AGMO: variants seen among roughly 807,000 people sequenced by gnomAD.
AGMO encodes the protein alkylglycerol monooxygenase, also known as glyceryl-ether monooxygenase.
In AGMO, 75 loss-of-function variants were observed where a neutral mutation model predicts 60.2. That is an observed-to-expected ratio of 1.25 (90% CI 1.03 to 1.51). AGMO has a LOEUF of 1.51. AGMO is among the 40% of genes most tolerant of loss of function. AGMO has a pLI of 0.00. For synonymous variants in AGMO, 261 were observed against 177.1 expected (o/e 1.47, Z -3.76); for missense variants, 763 against 525.5 (o/e 1.45, Z -4.42).
At chr7:15,500,379 C>G (rs1042923932) in intron 3 of AGMO, among the ~76,000 whole-genome samples, 1 of 151,698 alleles carries the variant, frequency 6.6e-6, no homozygotes, top group African/African-American at 2.4e-5. Context: ...GTATTAATGT[C>G]ATTAGGAACC....
chr7:15,223,631 A>G (rs995514253), intron 12 of AGMO, among the ~76,000 whole-genome samples: 4 of 151,980 alleles, frequency 2.6e-5, no homozygotes, highest in African/African-American at 9.7e-5. Context: ...TATAAGAATT[A>G]TTGGAGTTAT....
At chr7:15,247,459 C>CACACACACAGAGAG (rs139642069) in intron 12 of AGMO, among the ~76,000 whole-genome samples, 14 of 115,284 alleles carry the variant, frequency 1.2e-4, no homozygotes, top group African/African-American at 4.6e-4. Context: ...CACACACACA[C>CACACACACAGAGAG]AGAGAGAGAG....
intron 12 of AGMO, among the ~76,000 whole-genome samples, chr7:15,364,676 A>G (rs1251470446): frequency 6.6e-6 from 1 of 152,078 alleles, no homozygotes; most frequent in Non-Finnish European, 1.5e-5. Flanking sequence ...GTGTATTTGC[A>G]ATTTTGATAG....
At chr7:15,276,200 T>C (rs1394325259) in intron 12 of AGMO, among the ~76,000 whole-genome samples, 2 of 152,214 alleles carry the variant, frequency 1.3e-5, no homozygotes, top group East Asian at 1.9e-4. Context: ...AGAACTCCTT[T>C]GAGCATTTCT....
At chr7:15,192,534 G>C in the AGMO span, among the ~76,000 whole-genome samples, 5 of 151,956 alleles carry the variant, frequency 3.3e-5, no homozygotes, top group African/African-American at 1.2e-4. Flanking sequence ...TAAAATCCTT[G>C]CATTCACCAT....
intron 12 of AGMO, among the ~76,000 whole-genome samples, chr7:15,237,227 G>A (rs1008318888): frequency 2.0e-4 from 31 of 152,112 alleles, no homozygotes; most frequent in Admixed American, 3.3e-4. Flanking sequence ...GTAAGTGTGC[G>A]TGGAGAAATT....
intron 4 of AGMO, among the ~76,000 whole-genome samples, chr7:15,420,505 CAT>C (rs1029926793): frequency 2.0e-5 from 3 of 152,082 alleles, no homozygotes; most frequent in Admixed American, 6.6e-5. Flanking sequence ...ACATGAATCA[CAT>C]GAGTGATAAT....
chr7:15,376,147 C>T (rs1445109961), intron 10 of AGMO, among the ~76,000 whole-genome samples: 1 of 151,924 alleles, frequency 6.6e-6, no homozygotes, highest in African/African-American at 2.4e-5. Flanking sequence ...TCATTTCATG[C>T]CTTTGTATTA....
At chr7:15,356,544 A>G (rs933209888) in intron 12 of AGMO, among the ~76,000 whole-genome samples, 5 of 152,102 alleles carry the variant, frequency 3.3e-5, no homozygotes, top group Admixed American at 6.6e-5. Context: ...AATCTGAAAA[A>G]TTAAAATCAT....
In AGMO at chr7:15,505,114, CCA is replaced by C. The variant is rs200069610; in HGVS notation, c.409+39656_409+39657del. Among the ~76,000 whole-genome samples, 1,186 of 151,890 alleles carry C rather than the reference CCA, an allele frequency of 7.8e-3. 14 individuals are homozygous for C. Among genetic ancestry groups the C allele is most frequent in the African/African-American group, 0.027 (1,116 of 41,402 alleles). ...AAATAATCTGTACCTCTGATTTTAT[CCA>C]CGTTTCAAGTCAAATCATCTATTGC... is the stretch of plus-strand genomic sequence containing the variant. On this transcript the variant is annotated intron_variant, in intron 3 of 12. Transcript: ENST00000342526.
chr7:15,406,929 G>A (rs551159382), intron 5 of AGMO, among the ~76,000 whole-genome samples: 9,571 of 89,314 alleles, frequency 0.11, 703 homozygotes, highest in African/African-American at 0.19. Context: ...GAATACACAC[G>A]CGCACACACA....
At position 15,314,048 on chromosome 7, in the gene AGMO, G is replaced by A. The variant is rs576551257; in HGVS notation, c.1263+51466C>T. Among the ~76,000 whole-genome samples the A allele has an allele frequency of 2.0e-5, 3 of 152,124 alleles. No homozygotes were observed. In the South Asian group the frequency reaches 6.2e-4, roughly 32 times the overall value. On this transcript the variant is annotated intron_variant, in intron 12 of 12. Transcript: ENST00000342526. ...TCAGAAGGATCAGCTGCTTTCCGGTGATCCTGGATCATCAAGCCATGGCAG... is the reference window on the plus strand; with the variant it reads ...TCAGAAGGATCAGCTGCTTTCCGGTAATCCTGGATCATCAAGCCATGGCAG...
At chr7:15,397,457 C>T (rs1274390313) in intron 5 of AGMO, among the ~76,000 whole-genome samples, 5 of 152,142 alleles carry the variant, frequency 3.3e-5, no homozygotes, top group Non-Finnish European at 7.3e-5. Context: ...CCCCCCACAG[C>T]GCAGCGGCGG....
At chr7:15,541,539 G>C (rs575008672) in intron 3 of AGMO, among the ~76,000 whole-genome samples, 57 of 152,224 alleles carry the variant, frequency 3.7e-4, no homozygotes, top group Non-Finnish European at 6.3e-4. Context: ...TAGAACTATT[G>C]TATTGCCTTT....
At chr7:15,134,345 A>AT in the AGMO span, among the ~76,000 whole-genome samples, 17 of 150,614 alleles carry the variant, frequency 1.1e-4, no homozygotes, top group African/African-American at 2.2e-4. Flanking sequence ...AATTTTTGTA[A>AT]TTTTTTTTTG....
At position 15,515,464 on chromosome 7, in the gene AGMO, G is replaced by A. The variant is rs141168357; in HGVS notation, c.409+29308C>T. Reference sequence around the variant, plus strand: ...AGTTCAACTTGAAATCCCAGAGCCCGTTAAATCCCTGGAATTAGAATGTGC... The same window carrying A: ...AGTTCAACTTGAAATCCCAGAGCCCATTAAATCCCTGGAATTAGAATGTGC... On this transcript the variant is annotated intron_variant, in intron 3 of 12. Coordinates refer to ENST00000342526, the MANE Select transcript of AGMO (RefSeq NM_001004320.2). Among the ~76,000 whole-genome samples, 24 of 152,306 alleles carry A rather than the reference G, an allele frequency of 1.6e-4. 1 individual carries two copies. Among genetic ancestry groups the A allele is most frequent in the African/African-American group, 4.3e-4 (18 of 41,584 alleles).
At chr7:15,264,072 G>T (rs946333989) in intron 12 of AGMO, among the ~76,000 whole-genome samples, 1 of 151,164 alleles carries the variant, frequency 6.6e-6, no homozygotes, top group African/African-American at 2.4e-5. Context: ...AATAAAAAAT[G>T]AAAAATTTAT....
chr7:15,541,083 A>G (rs1784615885), intron 3 of AGMO, among the ~76,000 whole-genome samples: 1 of 152,174 alleles, frequency 6.6e-6, no homozygotes, highest in African/African-American at 2.4e-5. Flanking sequence ...ACAAAGAAAA[A>G]TAATATGCCA....
chr7:15,170,284 T>C, the AGMO span, among the ~76,000 whole-genome samples: 1 of 152,252 alleles, frequency 6.6e-6, no homozygotes, highest in Non-Finnish European at 1.5e-5. Context: ...AGAAAATACA[T>C]TTGTTTATTG....
Sources: gnomAD v4.1 joint callset for allele counts (sites outside exome capture counted in the v4.1 genomes callset) on GRCh38, gnomAD v4.1.1 for gene constraint, MANE v1.5 for transcripts, NCBI Gene and HGNC (gene_info 2026-07-23, HGNC 2026-07-21) for gene names.